The following MRTFA variants were observed in gnomAD, a reference collection of about 807,000 sequenced individuals.
The protein encoded by MRTFA is myocardin-related transcription factor A.
In MRTFA, 20 loss-of-function variants were observed where a neutral mutation model predicts 83.5. The observed-to-expected ratio is 0.24, with a 90% CI of 0.17 to 0.35. The LOEUF (loss-of-function observed/expected upper bound fraction) is 0.35, where lower values mean the gene tolerates loss of function less well. MRTFA is among the 10% of genes least tolerant of loss of function. The pLI is 1.00. For synonymous variants in MRTFA, 659 were observed against 541.2 expected (o/e 1.22, Z -3.02); for missense variants, 1,200 against 1,224.7 (o/e 0.98, Z 0.30).
At chr22:40,608,706 G>C (rs1458468577) in intron 1 of MRTFA, among the ~76,000 whole-genome samples, 2 of 152,142 alleles carry the variant, frequency 1.3e-5, no homozygotes, top group Non-Finnish European at 2.9e-5. Flanking sequence ...CAAGTATAAT[G>C]TGTCAGGTAC....
At chr22:40,609,755 C>T (rs1237999002) in intron 1 of MRTFA, among the ~76,000 whole-genome samples, 5 of 151,600 alleles carry the variant, frequency 3.3e-5, no homozygotes, top group Non-Finnish European at 2.9e-5. Flanking sequence ...TGCTTGAACC[C>T]GGGCAGCGGA....
chr22:40,620,285 T>C (rs1182328186), intron 1 of MRTFA, among the ~76,000 whole-genome samples: 2 of 151,914 alleles, frequency 1.3e-5, no homozygotes, highest in African/African-American at 4.8e-5. Flanking sequence ...TTACCACGCC[T>C]GGCTAATTTT....
At chr22:40,604,474 C>T (rs952979479) in intron 1 of MRTFA, among the ~76,000 whole-genome samples, 1 of 151,638 alleles carries the variant, frequency 6.6e-6, no homozygotes, top group African/African-American at 2.4e-5. Context: ...ACTGGCCAAG[C>T]GCGGTGGCTC....
At chr22:40,610,049 T>TC (rs1281180867) in intron 1 of MRTFA, among the ~76,000 whole-genome samples, 1 of 146,078 alleles carries the variant, frequency 6.8e-6, no homozygotes, top group Admixed American at 6.8e-5. Context: ...TTCTCTTTTT[T>TC]TTTTTTTTTT....
At chr22:40,436,807 A>G (rs2053178868) in intron 4 of MRTFA, among the ~76,000 whole-genome samples, 3 of 152,196 alleles carry the variant, frequency 2.0e-5, no homozygotes, top group Non-Finnish European at 4.4e-5. Flanking sequence ...TGAAACTGCG[A>G]GCAGAGATAA....
chr22:40,447,357 A>G (rs1469992232), intron 4 of MRTFA, among the ~76,000 whole-genome samples: 2 of 151,906 alleles, frequency 1.3e-5, no homozygotes, highest in Non-Finnish European at 2.9e-5. Context: ...TCAAAAAAAA[A>G]AAAGAAAAAA....
chr22:40,542,146 T>C (rs773783025), intron 3 of MRTFA, among the ~76,000 whole-genome samples: 18 of 138,528 alleles, frequency 1.3e-4, no homozygotes, highest in Non-Finnish European at 2.4e-4. Flanking sequence ...TCCACTGATA[T>C]ACTGGTACTC....
intron 3 of MRTFA, among the ~76,000 whole-genome samples, chr22:40,476,900 G>A (rs1569287084): frequency 6.6e-6 from 1 of 152,100 alleles, no homozygotes; most frequent in Non-Finnish European, 1.5e-5. Flanking sequence ...AAGGCCCAAT[G>A]TATTTTATAA....
chr22:40,621,560 T>C (rs1277143993), intron 1 of MRTFA, among the ~76,000 whole-genome samples: 1 of 152,178 alleles, frequency 6.6e-6, no homozygotes, highest in Non-Finnish European at 1.5e-5. Flanking sequence ...GGTTTCACAA[T>C]ATGAATGTAC....
At chr22:40,552,871 T>C (rs55662398) in intron 2 of MRTFA, among the ~76,000 whole-genome samples, 1 of 152,128 alleles carries the variant, frequency 6.6e-6, no homozygotes, top group African/African-American at 2.4e-5. Context: ...TGGAACAGTT[T>C]AGAGGGCTAA....
intron 1 of MRTFA, among the ~76,000 whole-genome samples, chr22:40,595,687 T>C (rs1471854648): frequency 6.6e-6 from 1 of 151,966 alleles, no homozygotes; most frequent in Non-Finnish European, 1.5e-5. Flanking sequence ...GTGCAATCAT[T>C]CACAGTAAAA....
chr22:40,467,660 CAAAT>C (rs2053831630), intron 3 of MRTFA, among the ~76,000 whole-genome samples: 1 of 151,856 alleles, frequency 6.6e-6, no homozygotes, highest in Non-Finnish European at 1.5e-5. Flanking sequence ...ATATCTGAAA[CAAAT>C]GATGATTTTT....
At chr22:40,519,262 G>A (rs2054817724) in intron 3 of MRTFA, among the ~76,000 whole-genome samples, 1 of 152,162 alleles carries the variant, frequency 6.6e-6, no homozygotes, top group African/African-American at 2.4e-5. Context: ...AAATGAGTGA[G>A]GATGGGTACA....
At chr22:40,572,042 C>T (rs1259631272) in intron 2 of MRTFA, among the ~76,000 whole-genome samples, 2 of 149,882 alleles carry the variant, frequency 1.3e-5, no homozygotes, top group East Asian at 1.9e-4. Flanking sequence ...TAGCACTTCA[C>T]ACCCAGTAGG....
In MRTFA at chr22:40,424,338, G is replaced by C. The variant is rs1203901499; in HGVS notation, c.645C>G (p.Phe215Leu). Residue 215 changes from phenylalanine to leucine, a missense_variant, in exon 8 of 15, where the codon TTC (phenylalanine) becomes TTG (leucine). By Grantham distance (22) the Phe-to-Leu change is conservative. Around this residue, in one of 2 missense-constraint regions of MRTFA, gnomAD observed 93 missense variants for 182.9 expected, o/e 0.51. Transcript: ENST00000355630. ...ATAAGGCATCGCTGCTGTCCTCATC[G>C]AAGGAAGAGCTGTCTGCTACTTTGG... 6.2e-7 allele frequency: 1 copy of C among 1,613,528 alleles called. No individual in the cohort carries two copies. The highest frequency in any genetic ancestry group is 1.7e-5 in the Admixed American group (1 of 59,926).
intron 3 of MRTFA, among the ~76,000 whole-genome samples, chr22:40,512,019 T>G (rs532628834): frequency 6.6e-6 from 1 of 152,156 alleles, no homozygotes; most frequent in Non-Finnish European, 1.5e-5. Context: ...GGAGGGAACA[T>G]AGAACAGGTG....
Position 40,417,511 on chromosome 22 carries a change from GAGAGGACC to G in MRTFA, c.2365-26_2365-19del. 7.6e-7 allele frequency: 1 copy of G among 1,324,456 alleles called. No individual in the cohort carries two copies. Among genetic ancestry groups the G allele is most frequent in the Non-Finnish European group, 1.0e-6 (1 of 1,003,814 alleles). 82.0% of individuals were successfully genotyped at this position (1,324,456 alleles called of 1,614,324 possible). Reference sequence around the variant, plus strand: ...GACGAGGGCTGGACAGGAGAGCAGGGAGAGGACCAGTGGCCAGGGGGCTGGGGGTGCAG... The same window carrying G: ...GACGAGGGCTGGACAGGAGAGCAGGGAGTGGCCAGGGGGCTGGGGGTGCAG... On this transcript the variant is annotated intron_variant, in intron 12 of 14. Transcript: ENST00000355630.
At chr22:40,426,168 G>T (rs534855228) in intron 7 of MRTFA, among the ~76,000 whole-genome samples, 4 of 152,228 alleles carry the variant, frequency 2.6e-5, no homozygotes, top group Admixed American at 2.6e-4. Context: ...TCAGGCCTCA[G>T]AACGGTCCGC....
intron 2 of MRTFA, among the ~76,000 whole-genome samples, chr22:40,579,092 A>G (rs541595714): frequency 6.6e-6 from 1 of 152,292 alleles, no homozygotes; most frequent in South Asian, 2.1e-4. Context: ...TGGGTAACAG[A>G]GTGAGACTCC....
Sources: gnomAD v4.1 joint callset for allele counts (sites outside exome capture counted in the v4.1 genomes callset) on GRCh38, gnomAD v4.1.1 for gene constraint, gnomAD v4.1.1 regional missense constraint, MANE v1.5 for transcripts, NCBI Gene and HGNC (gene_info 2026-07-23, HGNC 2026-07-21) for gene names.